Variants in FCHSD2 observed in about 807,000 individuals in gnomAD.
The protein encoded by FCHSD2 is F-BAR and double SH3 domains protein 2.
Under a neutral mutation model 108.1 loss-of-function variants are expected in FCHSD2, and 38 were observed. The ratio of observed to expected loss-of-function variants is 0.35; its 90% CI spans 0.27 to 0.46. The LOEUF (loss-of-function observed/expected upper bound fraction) is 0.46, where lower values mean the gene tolerates loss of function less well. FCHSD2 is among the 20% of genes least tolerant of loss of function. The probability of loss-of-function intolerance (pLI) is 1.00; values close to 1 mark genes in which losing one functional copy is unlikely to be tolerated. For missense variants in FCHSD2, 751 were observed against 897.8 expected (o/e 0.84, Z 2.09); for synonymous variants, 279 against 314.7 (o/e 0.89, Z 1.20).
At chr11:72,933,861 C>T (rs183446404) in intron 8 of FCHSD2, among the ~76,000 whole-genome samples, 3 of 152,044 alleles carry the variant, frequency 2.0e-5, no homozygotes, top group Admixed American at 2.0e-4. Context: ...GCAATTTCAA[C>T]ACTTTTGGAG....
intron 4 of FCHSD2, among the ~76,000 whole-genome samples, chr11:73,004,214 A>G (rs1390527191): frequency 2.6e-5 from 4 of 151,784 alleles, no homozygotes; most frequent in African/African-American, 4.8e-5. Context: ...TACATTTATC[A>G]TATCATTTAA....
At chr11:73,081,159 G>A (rs192358457) in intron 3 of FCHSD2, among the ~76,000 whole-genome samples, 33 of 152,208 alleles carry the variant, frequency 2.2e-4, no homozygotes, top group Admixed American at 1.4e-3. Context: ...AAATCGACCA[G>A]GCACTGTGGC....
At chr11:73,060,266 T>A (rs908256718) in intron 3 of FCHSD2, among the ~76,000 whole-genome samples, 2 of 152,236 alleles carry the variant, frequency 1.3e-5, no homozygotes, top group African/African-American at 4.8e-5. Flanking sequence ...TTTTGGCATT[T>A]AGGAAATTGA....
intron 2 of FCHSD2, among the ~76,000 whole-genome samples, chr11:73,091,366 C>T (rs1032867035): frequency 1.3e-5 from 2 of 151,878 alleles, no homozygotes; most frequent in Admixed American, 1.3e-4. Context: ...TGGTGAAACC[C>T]CATCTCTACT....
rs137962254 is a variant in FCHSD2, at chr11:73,089,834, G to C, written c.120-6094C>G. ...AAAGTACAGTATTTTTATTTAACTA[G>C]ATAAGCATTTTCATACAGAAAAATG... On this transcript the variant is annotated intron_variant, in intron 2 of 19. Coordinates refer to ENST00000409418, the MANE Select transcript of FCHSD2 (RefSeq NM_014824.3). Among the ~76,000 whole-genome samples the C allele has an allele frequency of 2.6e-5, 4 of 152,166 alleles. 1 individual carries two copies. Among genetic ancestry groups the C allele is most frequent in the African/African-American group, 9.6e-5 (4 of 41,532 alleles).
In FCHSD2 at chr11:72,952,481, C is replaced by T. The variant is rs541862051; in HGVS notation, c.706-30531G>A. Among the ~76,000 whole-genome samples, 149 of 152,092 alleles carry T rather than the reference C, an allele frequency of 9.8e-4. 1 individual carries two copies. Among genetic ancestry groups the T allele is most frequent in the African/African-American group, 3.4e-3 (139 of 41,486 alleles). ...CTGGGATTACAGGCATGTGTCACCA[C>T]GCCCAGCTAATTTTTATATTTTTAG... On this transcript the variant is annotated intron_variant, in intron 8 of 19. Transcript: ENST00000409418.
intron 9 of FCHSD2, among the ~76,000 whole-genome samples, chr11:72,912,174 T>C (rs570283915): frequency 1.3e-5 from 2 of 152,354 alleles, no homozygotes; most frequent in East Asian, 3.8e-4. Flanking sequence ...GGACTTCCAG[T>C]ACTATGTTGA....
chr11:73,012,700 A>G (rs921073505), intron 4 of FCHSD2, among the ~76,000 whole-genome samples: 1 of 152,166 alleles, frequency 6.6e-6, no homozygotes, highest in Non-Finnish European at 1.5e-5. Context: ...GAGTCATTGT[A>G]TAATTCTTCA....
intron 3 of FCHSD2, among the ~76,000 whole-genome samples, chr11:73,030,824 G>T (rs1858342105): frequency 6.6e-6 from 1 of 152,050 alleles, no homozygotes; most frequent in Non-Finnish European, 1.5e-5. Context: ...GTGTATGTGT[G>T]CCTAGAGCAC....
At chr11:73,049,553 A>C in intron 3 of FCHSD2, among the ~76,000 whole-genome samples, 1 of 99,284 alleles carries the variant, frequency 1.0e-5, no homozygotes, top group South Asian at 3.6e-4. Context: ...GGGAGGGGGG[A>C]GGGATAGCAT....
chr11:72,927,522 A>G (rs1019687851), intron 8 of FCHSD2, among the ~76,000 whole-genome samples: 3 of 152,108 alleles, frequency 2.0e-5, no homozygotes, highest in African/African-American at 4.8e-5. Flanking sequence ...CTTCTGTTCA[A>G]TTTTGCTGTG....
chr11:73,065,290 T>C (rs1237367816), intron 3 of FCHSD2, among the ~76,000 whole-genome samples: 2 of 152,110 alleles, frequency 1.3e-5, no homozygotes, highest in East Asian at 3.8e-4. Context: ...GAAAAGGCCT[T>C]TGACAAAATT....
At chr11:73,024,711 C>T (rs1022519507) in intron 3 of FCHSD2, among the ~76,000 whole-genome samples, 2 of 151,850 alleles carry the variant, frequency 1.3e-5, no homozygotes, top group Non-Finnish European at 1.5e-5. Flanking sequence ...GACACCCTAC[C>T]GAATGGGAGA....
rs1466695525 is a variant in FCHSD2, at chr11:73,082,335, C to CCAA, written c.165+1359_165+1360insTTG. ...CTGGATCACAGAGTGAGACTTGTCC[C>CCAA]AAAAAAAAAAAAAAAAAAAAAAAAA... On this transcript the variant is annotated intron_variant, in intron 3 of 19. Coordinates refer to ENST00000409418, the MANE Select transcript of FCHSD2 (RefSeq NM_014824.3). Among the ~76,000 whole-genome samples the CCAA allele has an allele frequency of 2.2e-3, 76 of 34,452 alleles. 3 individuals are homozygous for CCAA. Among genetic ancestry groups the CCAA allele is most frequent in the African/African-American group, 7.5e-3 (70 of 9,292 alleles). The allele number at this position is 34,452 out of a possible 152,430, so 22.6% of individuals were successfully genotyped here.
chr11:73,021,385 C>G (rs7925155), intron 3 of FCHSD2, among the ~76,000 whole-genome samples: 119,258 of 152,100 alleles, frequency 0.78, 46,964 homozygotes, highest in South Asian at 0.86. Context: ...CCATAAAAAA[C>G]AATGAGATCA....
chr11:72,871,030 A>G (rs1854846384), intron 12 of FCHSD2, among the ~76,000 whole-genome samples: 2 of 152,174 alleles, frequency 1.3e-5, no homozygotes, highest in African/African-American at 4.8e-5. Context: ...GAAATAGCAG[A>G]GATTGAGAAT....
chr11:72,879,948 G>C (rs148634930), intron 12 of FCHSD2, among the ~76,000 whole-genome samples: 221 of 145,896 alleles, frequency 1.5e-3, no homozygotes, highest in Non-Finnish European at 1.4e-3. Flanking sequence ...GACGTGAGCC[G>C]AGATCGCGCC....
At chr11:72,900,288 G>A (rs1269334189) in intron 10 of FCHSD2, 15 of 1,445,438 alleles carry the variant, frequency 1.0e-5, no homozygotes, top group Middle Eastern at 1.8e-4. Flanking sequence ...AGCACTGACA[G>A]GGGAGAGCTC....
Position 72,921,825 on chromosome 11 carries a change from T to C in FCHSD2, c.828+3A>G. On this transcript the variant is annotated splice_donor_region_variant and intron_variant, in intron 9 of 19. Transcript: ENST00000409418. ...ACTACACGTTGCACTAAAGGTAACTTACCTTGCTGGAGTTTTCTAATAAAA... is the reference window on the plus strand; with the variant it reads ...ACTACACGTTGCACTAAAGGTAACTCACCTTGCTGGAGTTTTCTAATAAAA... 1.2e-6 allele frequency: 2 copies of C among 1,611,032 alleles called. No individual in the cohort carries two copies. Among genetic ancestry groups the C allele is most frequent in the Admixed American group, 1.7e-5 (1 of 59,720 alleles).
Sources: allele counts gnomAD v4.1 joint callset (sites outside exome capture counted in the v4.1 genomes callset), GRCh38; gene constraint gnomAD v4.1.1; transcripts MANE v1.5; gene names NCBI Gene and HGNC (gene_info 2026-07-23, HGNC 2026-07-21).